The following CELF2 variants were observed in gnomAD, a reference collection of about 807,000 sequenced individuals.
The protein encoded by CELF2 is CUGBP Elav-like family member 2, also known as CUG triplet repeat RNA-binding protein 2.
In CELF2, 8 loss-of-function variants were observed where a neutral mutation model predicts 62.6. The observed-to-expected ratio is 0.13, with a 90% CI of 0.07 to 0.23. The LOEUF is 0.23. Among genes scored for constraint, CELF2 ranks in the 10% least tolerant of loss-of-function variants. The probability of loss-of-function intolerance (pLI) is 1.00; values close to 1 mark genes in which losing one functional copy is unlikely to be tolerated. For missense variants in CELF2, 333 were observed against 671.0 expected (o/e 0.50, Z 5.56); for synonymous variants, 258 against 250.0 (o/e 1.03, Z -0.30).
At chr10:10,632,872 A>G in the CELF2 span, among the ~76,000 whole-genome samples, 1 of 152,214 alleles carries the variant, frequency 6.6e-6, no homozygotes, top group Non-Finnish European at 1.5e-5. Flanking sequence ...AGCTACGATT[A>G]TGTATATCAA....
the CELF2 span, among the ~76,000 whole-genome samples, chr10:10,695,177 C>G: frequency 6.7e-6 from 1 of 148,814 alleles, no homozygotes; most frequent in African/African-American, 2.5e-5. Flanking sequence ...GCACTTCCTT[C>G]AGGAGCTCTT....
the CELF2 span, among the ~76,000 whole-genome samples, chr10:10,597,772 A>C: frequency 6.6e-6 from 1 of 152,178 alleles, no homozygotes; most frequent in African/African-American, 2.4e-5. Context: ...AAGGTTTTGC[A>C]ATCTTTTTCA....
At chr10:10,865,303 A>G (rs1372304640) in intron 1 of CELF2, among the ~76,000 whole-genome samples, 2 of 152,258 alleles carry the variant, frequency 1.3e-5, no homozygotes, top group African/African-American at 4.8e-5. Flanking sequence ...TTCAAGTGGC[A>G]TGAAGGTTTT....
Position 11,333,670 on chromosome 10 carries a change from G to GAATT in CELF2, c.*4619_*4622dup, listed in dbSNP as rs1436097679. The stretch of plus-strand genomic sequence containing the variant: ...TGTAGATTAATAATCATTTTGTTTA[G>GAATT]AATTACAAAATAGTTTTTAAATATT... On this transcript the variant is annotated 3_prime_UTR_variant, in exon 13 of 13. Transcript: ENST00000633077. 3.3e-5 allele frequency: 5 copies of GAATT among 152,420 alleles called. No individual in the cohort carries two copies. Among genetic ancestry groups the GAATT allele is most frequent in the Non-Finnish European group, 7.4e-5 (5 of 68,012 alleles). 9.4% of individuals were successfully genotyped at this position (152,420 alleles called of 1,614,324 possible).
the CELF2 span, among the ~76,000 whole-genome samples, chr10:10,597,382 T>G: frequency 6.6e-6 from 1 of 152,244 alleles, no homozygotes; most frequent in South Asian, 2.1e-4. Context: ...TTATGTCTCA[T>G]ATACCACAAC....
chr10:10,569,898 C>G, the CELF2 span, among the ~76,000 whole-genome samples: 1 of 152,102 alleles, frequency 6.6e-6, no homozygotes, highest in Non-Finnish European at 1.5e-5. Context: ...ACCTTGCTAC[C>G]CAGCAGAGAC....
intron 2 of CELF2, among the ~76,000 whole-genome samples, chr10:11,192,001 G>T (rs1489984598): frequency 6.6e-6 from 1 of 152,156 alleles, no homozygotes; most frequent in African/African-American, 2.4e-5. Flanking sequence ...TGTTTTCCCA[G>T]AATAGCCAAT....
At chr10:10,614,766 A>C in the CELF2 span, among the ~76,000 whole-genome samples, 1 of 152,146 alleles carries the variant, frequency 6.6e-6, no homozygotes, top group Non-Finnish European at 1.5e-5. Flanking sequence ...CACCGATTGG[A>C]GGTTGGATAG....
intron 1 of CELF2, among the ~76,000 whole-genome samples, chr10:10,802,315 C>T (rs1478889507): frequency 6.6e-6 from 1 of 151,972 alleles, no homozygotes; most frequent in East Asian, 1.9e-4. Context: ...ACTAAAAATA[C>T]AAAAATTAGC....
chr10:10,677,145 T>C, the CELF2 span, among the ~76,000 whole-genome samples: 1 of 152,202 alleles, frequency 6.6e-6, no homozygotes, highest in Non-Finnish European at 1.5e-5. Flanking sequence ...GATTATTCTC[T>C]GGGGACATTA....
chr10:11,135,104 A>G lies in CELF2; in HGVS notation c.75-30382A>G, dbSNP rs575138660. ...AGAGGCTGAGCGACACCCTGAGGAA[A>G]AAATGCTGCTTTGGTCCCGACTCCC... On this transcript the variant is annotated intron_variant, in intron 1 of 12. Transcript: ENST00000633077. 1.5e-4 allele frequency among the ~76,000 whole-genome samples: 23 copies of G among 152,242 alleles called. No individual in the cohort carries two copies. The South Asian group carries it at 4.4e-3, about 29-fold the overall frequency.
At position 11,237,492 on chromosome 10, in the gene CELF2, C is replaced by T. The variant is rs1473705687; in HGVS notation, c.355-11661C>T. On this transcript the variant is annotated intron_variant, in intron 3 of 12. Transcript: ENST00000633077. This position sits in a 1 kb window ranked among gnomAD's most constrained non-coding sequence, Gnocchi z 4.0. The stretch of plus-strand genomic sequence containing the variant: ...AGATCAGGGTGGACAGAGTCGAGCC[C>T]TGCAAAGAGGCTCAGAAGATCCAGG... Among the ~76,000 whole-genome samples, 1 of 152,160 alleles carries T rather than the reference C, an allele frequency of 6.6e-6. No individual in the cohort carries two copies. The highest frequency in any genetic ancestry group is 6.5e-5 in the Admixed American group (1 of 15,272).
intron 2 of CELF2, among the ~76,000 whole-genome samples, chr10:11,202,296 G>A (rs2135283614): frequency 6.6e-6 from 1 of 152,104 alleles, no homozygotes; most frequent in South Asian, 2.1e-4. Flanking sequence ...CTACCACCTT[G>A]GAAATGAAAA....
intron 2 of CELF2, chr10:10,946,201 G>A (rs1370643076): frequency 1.3e-5 from 2 of 152,548 alleles, no homozygotes; most frequent in African/African-American, 4.8e-5. Flanking sequence ...GCTCATAATG[G>A]GAAGATAATA....
Position 11,334,413 on chromosome 10 carries a change from C to T in CELF2, c.*5360C>T, listed in dbSNP as rs962747439. ...TGGTAGTCATTATATGTTGGTGATA[C>T]ATCTGCACACCTCACTGTTTCACGT... is the stretch of plus-strand genomic sequence containing the variant. On this transcript the variant is annotated 3_prime_UTR_variant, in exon 13 of 13. Coordinates refer to ENST00000633077, the MANE Select transcript of CELF2 (RefSeq NM_001326342.2). The T allele has an allele frequency of 1.3e-5, 2 of 152,638 alleles. No individual in the cohort carries two copies. Among genetic ancestry groups the T allele is most frequent in the African/African-American group, 4.8e-5 (2 of 41,444 alleles). The allele number at this position is 152,638 out of a possible 1,614,324, so 9.5% of individuals were successfully genotyped here.
intron 1 of CELF2, among the ~76,000 whole-genome samples, chr10:11,126,486 G>A (rs2058722521): frequency 6.6e-6 from 1 of 152,298 alleles, no homozygotes; most frequent in East Asian, 1.9e-4. Flanking sequence ...ACATATATAT[G>A]TGTGTATTTA....
chr10:11,195,493 G>A (rs191418001), intron 2 of CELF2, among the ~76,000 whole-genome samples: 111 of 152,276 alleles, frequency 7.3e-4, no homozygotes, highest in African/African-American at 2.3e-3. Flanking sequence ...CCATCCAGGC[G>A]GATGGCAGTG....
the CELF2 span, among the ~76,000 whole-genome samples, chr10:10,529,799 A>G: frequency 6.6e-6 from 1 of 152,074 alleles, no homozygotes; most frequent in African/African-American, 2.4e-5. Flanking sequence ...AACACTAAAT[A>G]ATTTTGGTAT....
At chr10:10,699,073 T>C in the CELF2 span, among the ~76,000 whole-genome samples, 2 of 152,120 alleles carry the variant, frequency 1.3e-5, no homozygotes, top group Non-Finnish European at 2.9e-5. Flanking sequence ...ATATAACATA[T>C]ATTTGAATTT....
Sources: gnomAD v4.1 joint callset for allele counts (sites outside exome capture counted in the v4.1 genomes callset) on GRCh38, gnomAD v4.1.1 for gene constraint, Gnocchi (gnomAD v3.1) non-coding constraint, MANE v1.5 for transcripts, NCBI Gene and HGNC (gene_info 2026-07-23, HGNC 2026-07-21) for gene names.